Variants in PLCB1 observed in about 807,000 individuals in gnomAD.
PLCB1 encodes phospholipase C beta 1.
A neutral mutation model predicts 161.8 loss-of-function variants in PLCB1; 46 were observed. That is an observed-to-expected ratio of 0.28 (90% confidence interval 0.22 to 0.36). The LOEUF is 0.36. PLCB1 is among the 10% of genes least tolerant of loss of function. The pLI is 1.00. For missense variants in PLCB1, 1,016 were observed against 1,472.5 expected, an observed-to-expected ratio of 0.69 and a Z score of 5.07; for synonymous variants, 517 against 503.7, an observed-to-expected ratio of 1.03 and a Z score of -0.35.
intron 31 of PLCB1, among the ~76,000 whole-genome samples, chr20:8,791,166 A>G (rs186938553): frequency 7.2e-5 from 11 of 152,202 alleles, no homozygotes; most frequent in Admixed American, 5.2e-4. Flanking sequence ...TATTTATTAT[A>G]TAAGACATTT....
intron 31 of PLCB1, among the ~76,000 whole-genome samples, chr20:8,846,851 C>G (rs1303829309): frequency 6.6e-6 from 1 of 152,152 alleles, no homozygotes. Flanking sequence ...GAGTAGAGGC[C>G]ACTAGCTTTC....
chr20:8,777,082 G>C (rs1249997672), intron 27 of PLCB1, among the ~76,000 whole-genome samples: 1 of 152,142 alleles, frequency 6.6e-6, no homozygotes, highest in Non-Finnish European at 1.5e-5. Context: ...AGTGTTGGGG[G>C]AACAGCACAG....
intron 3 of PLCB1, among the ~76,000 whole-genome samples, chr20:8,470,102 G>GT (rs997540754): frequency 8.5e-5 from 13 of 152,190 alleles, no homozygotes; most frequent in African/African-American, 3.1e-4. Flanking sequence ...AAATGGATCA[G>GT]TTTTTTATTC....
intron 3 of PLCB1, among the ~76,000 whole-genome samples, chr20:8,375,241 CCAG>C (rs1462699475): frequency 6.6e-6 from 1 of 152,098 alleles, no homozygotes; most frequent in Non-Finnish European, 1.5e-5. Flanking sequence ...TCCGGCCCTC[CCAG>C]GTTTGTAGAG....
intron 2 of PLCB1, among the ~76,000 whole-genome samples, chr20:8,231,754 TA>T (rs1980051317): frequency 2.0e-5 from 3 of 152,088 alleles, no homozygotes; most frequent in African/African-American, 7.2e-5. Context: ...TCATTGATCA[TA>T]GGTGTCTCCC....
At chr20:8,154,272 C>G (rs1439104213) in intron 2 of PLCB1, among the ~76,000 whole-genome samples, 1 of 152,126 alleles carries the variant, frequency 6.6e-6, no homozygotes, top group South Asian at 2.1e-4. Context: ...CATGTTAGTA[C>G]ATGTGTATGT....
intron 3 of PLCB1, among the ~76,000 whole-genome samples, chr20:8,453,222 A>G (rs1053660604): frequency 2.0e-5 from 3 of 152,206 alleles, no homozygotes; most frequent in Non-Finnish European, 4.4e-5. Context: ...TCTCCTCCTC[A>G]TATCACCAAA....
intron 18 of PLCB1, among the ~76,000 whole-genome samples, chr20:8,730,557 C>CT: frequency 6.6e-6 from 1 of 151,508 alleles, no homozygotes; most frequent in African/African-American, 2.4e-5. Flanking sequence ...TTTTCAATTC[C>CT]TTTTTTGCCA....
chr20:8,710,000 CAT>C (rs1221844953), intron 12 of PLCB1, among the ~76,000 whole-genome samples: 1 of 152,204 alleles, frequency 6.6e-6, no homozygotes. Flanking sequence ...AACAATTTCT[CAT>C]CTCTGTCAAT....
In PLCB1 at chr20:8,792,839, A is replaced by G. The variant is rs184441832; in HGVS notation, c.3423+2578A>G. The stretch of plus-strand genomic sequence containing the variant: ...AAAGGGAAATGACAATGACAACAGG[A>G]GCAGCAATAGACAGTAGAGTAAAAG... On this transcript the variant is annotated intron_variant, in intron 31 of 31. Coordinates refer to ENST00000338037, the MANE Select transcript of PLCB1 (RefSeq NM_015192.4). 186 of 353,590 alleles carry G rather than the reference A, an allele frequency of 5.3e-4. 1 individual carries two copies. The East Asian group carries it at 0.013, about 25-fold the overall frequency. The allele number at this position is 353,590 out of a possible 1,614,324, so 21.9% of individuals were successfully genotyped here. A position where few individuals can be genotyped will look rare whatever the true frequency, so the allele number is the denominator to read the frequency against.
chr20:8,215,700 G>A (rs1433758917), intron 2 of PLCB1, among the ~76,000 whole-genome samples: 1 of 151,986 alleles, frequency 6.6e-6, no homozygotes, highest in Admixed American at 6.6e-5. Flanking sequence ...CATCAGTATT[G>A]TTTTGGTTAT....
At chr20:8,732,702 T>A (rs1980322984) in intron 18 of PLCB1, among the ~76,000 whole-genome samples, 1 of 143,758 alleles carries the variant, frequency 7.0e-6, no homozygotes, top group Non-Finnish European at 1.5e-5. Context: ...GAATGATATA[T>A]TTAATATATC....
chr20:8,826,786 G>A (rs182314627), intron 31 of PLCB1, among the ~76,000 whole-genome samples: 36 of 152,020 alleles, frequency 2.4e-4, no homozygotes, highest in Admixed American at 1.3e-3. Flanking sequence ...AAATATAATC[G>A]CATCATTTTA....
At chr20:8,188,134 A>G (rs1362011141) in intron 2 of PLCB1, among the ~76,000 whole-genome samples, 1 of 152,130 alleles carries the variant, frequency 6.6e-6, no homozygotes, top group African/African-American at 2.4e-5. Context: ...TGGTCTTCCC[A>G]ACATGTGTTT....
At chr20:8,509,984 T>C (rs533809253) in intron 3 of PLCB1, among the ~76,000 whole-genome samples, 1 of 152,328 alleles carries the variant, frequency 6.6e-6, no homozygotes, top group African/African-American at 2.4e-5. Flanking sequence ...AGAGGCTATA[T>C]TGTGAAACAC....
intron 31 of PLCB1, among the ~76,000 whole-genome samples, chr20:8,874,919 A>C (rs371554609): frequency 6.6e-6 from 1 of 151,988 alleles, no homozygotes; most frequent in East Asian, 1.9e-4. Context: ...AATTTTGTCA[A>C]ATTATTGCCC....
intron 31 of PLCB1, among the ~76,000 whole-genome samples, chr20:8,841,556 GT>G (rs889964339): frequency 6.6e-6 from 1 of 152,198 alleles, no homozygotes; most frequent in African/African-American, 2.4e-5. Context: ...TGAATATCAA[GT>G]TTTTTCTGCC....
At chr20:8,814,925 C>G (rs1985010492) in intron 31 of PLCB1, among the ~76,000 whole-genome samples, 1 of 152,004 alleles carries the variant, frequency 6.6e-6, no homozygotes, top group South Asian at 2.1e-4. Context: ...AATCTAGTCT[C>G]CCGTCTTTTT....
chr20:8,799,991 C>G (rs1018935580), intron 31 of PLCB1, among the ~76,000 whole-genome samples: 3 of 152,070 alleles, frequency 2.0e-5, no homozygotes, highest in African/African-American at 4.8e-5. Context: ...TAGTTTTGAT[C>G]CAAAAGTGGT....
Sources: allele counts gnomAD v4.1 joint callset (sites outside exome capture counted in the v4.1 genomes callset), GRCh38; gene constraint gnomAD v4.1.1; transcripts MANE v1.5; gene names NCBI Gene and HGNC (gene_info 2026-07-23, HGNC 2026-07-21).